The following ZNF362 variants were observed in gnomAD, a reference collection of about 807,000 sequenced individuals.
The protein encoded by ZNF362 is rotund homolog.
In ZNF362, 11 loss-of-function variants were observed where a neutral mutation model predicts 42.9. The ratio of observed to expected loss-of-function variants is 0.26; its 90% CI spans 0.16 to 0.42. The LOEUF is 0.42. ZNF362 is among the 20% of genes least tolerant of loss of function. The probability of loss-of-function intolerance (pLI) is 1.00; values close to 1 mark genes in which losing one functional copy is unlikely to be tolerated. For missense variants in ZNF362, 362 were observed against 576.2 expected (o/e 0.63, Z 3.81); for synonymous variants, 255 against 257.3 (o/e 0.99, Z 0.09).
At chr1:33,154,425 C>T in the ZNF362 span, among the ~76,000 whole-genome samples, 1 of 152,186 alleles carries the variant, frequency 6.6e-6, no homozygotes, top group Non-Finnish European at 1.5e-5. Flanking sequence ...CTGGGGCCTG[C>T]CAGCTTCTCA....
the ZNF362 span, among the ~76,000 whole-genome samples, chr1:33,237,451 C>A: frequency 2.0e-5 from 3 of 152,298 alleles, no homozygotes; most frequent in Admixed American, 2.0e-4. Context: ...TGACCTTCTC[C>A]TCACAGTTGC....
chr1:33,159,710 C>T, the ZNF362 span: 1 of 1,610,034 alleles, frequency 6.2e-7, no homozygotes, highest in Non-Finnish European at 8.5e-7. The surrounding 1 kb of genome is among the most constrained non-coding windows in gnomAD (Gnocchi z 4.2). Flanking sequence ...GAGGCCACCC[C>T]AGCCAGGAAG....
chr1:33,220,302 A>G, the ZNF362 span, among the ~76,000 whole-genome samples: 1 of 152,166 alleles, frequency 6.6e-6, no homozygotes, highest in African/African-American at 2.4e-5. Flanking sequence ...AATGATAGCA[A>G]TAACAGCTGT....
intron 1 of ZNF362, among the ~76,000 whole-genome samples, chr1:33,267,395 C>T (rs1203076616): frequency 6.6e-6 from 1 of 152,184 alleles, no homozygotes; most frequent in African/African-American, 2.4e-5. Context: ...TCTTTTCTCT[C>T]AGCACCCAGT....
the ZNF362 span, chr1:33,142,175 A>C: frequency 1.3e-5 from 2 of 152,138 alleles, no homozygotes; most frequent in Non-Finnish European, 2.9e-5. Context: ...GGGCCTTTGC[A>C]ACTGACCTTG....
the ZNF362 span, among the ~76,000 whole-genome samples, chr1:33,175,613 T>C: frequency 1.2e-4 from 18 of 152,074 alleles, no homozygotes; most frequent in African/African-American, 4.3e-4. Context: ...GGAAGGAGGG[T>C]GAATTCTGAG....
At chr1:33,174,949 A>T in the ZNF362 span, among the ~76,000 whole-genome samples, 7 of 7,428 alleles carry the variant, frequency 9.4e-4, no homozygotes, top group African/African-American at 1.7e-3. Context: ...ATGTGTGTAT[A>T]TATATATATA....
intron 6 of ZNF362, among the ~76,000 whole-genome samples, chr1:33,286,055 C>T (rs1331488604): frequency 6.6e-6 from 1 of 151,944 alleles, no homozygotes; most frequent in African/African-American, 2.4e-5. Flanking sequence ...AGAGCAAGAC[C>T]CTGTCTCAAA....
At chr1:33,197,826 G>A in the ZNF362 span, among the ~76,000 whole-genome samples, 3 of 152,046 alleles carry the variant, frequency 2.0e-5, no homozygotes, top group Non-Finnish European at 4.4e-5. Flanking sequence ...CCCAAGCCTT[G>A]GGAAAGAACT....
chr1:33,202,890 AAT>A, the ZNF362 span, among the ~76,000 whole-genome samples: 1 of 152,178 alleles, frequency 6.6e-6, no homozygotes, highest in Non-Finnish European at 1.5e-5. Flanking sequence ...AAATACCTTA[AAT>A]ATGATGTTTG....
In ZNF362 at chr1:33,299,063, GC is replaced by G; in HGVS notation, c.*21del. On this transcript the variant is annotated 3_prime_UTR_variant, in exon 9 of 9. Coordinates refer to ENST00000539719, the MANE Select transcript of ZNF362 (RefSeq NM_152493.3). ...CTCATCTGAGCCCACTGGAGGCGCCGCCCCACCCGGCCCACTGGCAGACACA... is the reference window on the plus strand; with the variant it reads ...CTCATCTGAGCCCACTGGAGGCGCCGCCCACCCGGCCCACTGGCAGACACA... 1 of 1,589,876 alleles carries G rather than the reference GC, an allele frequency of 6.3e-7. No homozygotes were observed. Among genetic ancestry groups the G allele is most frequent in the Middle Eastern group, 1.7e-4 (1 of 5,978 alleles).
the ZNF362 span, among the ~76,000 whole-genome samples, chr1:33,189,634 CATATATATATATATATAT>C: frequency 2.5e-3 from 137 of 55,518 alleles, 1 homozygote; most frequent in African/African-American, 7.7e-3. Context: ...CACATTCCAG[CATATATATATATATATAT>C]ATATATATAT....
chr1:33,240,549 G>A, the ZNF362 span, among the ~76,000 whole-genome samples: 2 of 152,058 alleles, frequency 1.3e-5, no homozygotes, highest in African/African-American at 4.8e-5. Context: ...TTATCTTTTC[G>A]TAAATGTTAG....
chr1:33,265,503 C>T (rs58319298), intron 1 of ZNF362, among the ~76,000 whole-genome samples: 6,416 of 152,130 alleles, frequency 0.042, 152 homozygotes, highest in African/African-American at 0.062. Context: ...AGCCTCTTTC[C>T]TTCCGGGGAA....
chr1:33,136,117 T>C, the ZNF362 span, among the ~76,000 whole-genome samples: 12 of 31,182 alleles, frequency 3.8e-4, no homozygotes, highest in South Asian at 0.01. Flanking sequence ...GGCCAGCCCT[T>C]CCTTCCTTCC....
chr1:33,263,940 C>G (rs916907631), intron 1 of ZNF362, among the ~76,000 whole-genome samples: 2 of 152,170 alleles, frequency 1.3e-5, no homozygotes, highest in Non-Finnish European at 2.9e-5. Context: ...CATTTGTCCA[C>G]CCCACACCCT....
At chr1:33,148,333 C>T in the ZNF362 span, among the ~76,000 whole-genome samples, 1 of 152,162 alleles carries the variant, frequency 6.6e-6, no homozygotes, top group Non-Finnish European at 1.5e-5. Flanking sequence ...CATGTATAAA[C>T]ATGAAATTTT....
chr1:33,189,634 C>CATATATATATAT, the ZNF362 span, among the ~76,000 whole-genome samples: 71 of 55,348 alleles, frequency 1.3e-3, no homozygotes, highest in South Asian at 2.5e-3. Flanking sequence ...CACATTCCAG[C>CATATATATATAT]ATATATATAT....
At chr1:33,137,354 A>G in the ZNF362 span, among the ~76,000 whole-genome samples, 1 of 152,172 alleles carries the variant, frequency 6.6e-6, no homozygotes, top group Non-Finnish European at 1.5e-5. Flanking sequence ...ATCTCCTCTT[A>G]TGCTTGTTGT....
Sources: gnomAD v4.1 joint callset for allele counts (sites outside exome capture counted in the v4.1 genomes callset) on GRCh38, gnomAD v4.1.1 for gene constraint, Gnocchi (gnomAD v3.1) non-coding constraint, MANE v1.5 for transcripts, NCBI Gene and HGNC (gene_info 2026-07-23, HGNC 2026-07-21) for gene names.